PRELID2: variants seen among roughly 807,000 people sequenced by gnomAD.
The protein encoded by PRELID2 is PRELI domain containing 2.
In PRELID2, 25 loss-of-function variants were observed where a neutral mutation model predicts 28.4. The observed-to-expected ratio is 0.88, with a 90% confidence interval of 0.64 to 1.23. The LOEUF is 1.23. Among genes scored for constraint, PRELID2 ranks in the 50% most tolerant of loss-of-function variants. The pLI is 0.00. For synonymous variants in PRELID2, 76 were observed against 71.6 expected, an observed-to-expected ratio of 1.06 and a Z score of -0.31; for missense variants, 201 against 214.4, an observed-to-expected ratio of 0.94 and a Z score of 0.39.
At chr5:145,272,084 A>AT in the PRELID2 span, among the ~76,000 whole-genome samples, 45,564 of 150,160 alleles carry the variant, frequency 0.3, 7,117 homozygotes, top group African/African-American at 0.32. Flanking sequence ...ATGGCAACAT[A>AT]TTTTTTTTTT....
chr5:145,405,338 T>C, the PRELID2 span, among the ~76,000 whole-genome samples: 30 of 152,278 alleles, frequency 2.0e-4, no homozygotes, highest in Admixed American at 7.8e-4. Context: ...TCCCCACCTA[T>C]GTTAGTTAAT....
chr5:145,312,191 CA>C, the PRELID2 span, among the ~76,000 whole-genome samples: 400 of 141,844 alleles, frequency 2.8e-3, no homozygotes, highest in East Asian at 0.016. Flanking sequence ...ACTAAAAATA[CA>C]AAAAAAAAAA....
At chr5:145,647,240 C>T (rs957319372) in intron 1 of PRELID2, among the ~76,000 whole-genome samples, 4 of 152,152 alleles carry the variant, frequency 2.6e-5, no homozygotes, top group Non-Finnish European at 5.9e-5. Flanking sequence ...GGGAGGCAGT[C>T]TGGCCACAGC....
chr5:145,233,339 G>C, the PRELID2 span, among the ~76,000 whole-genome samples: 2 of 151,952 alleles, frequency 1.3e-5, no homozygotes, highest in Non-Finnish European at 2.9e-5. Context: ...TAGTATTCCA[G>C]GTAGGAATTC....
At chr5:145,374,733 C>G in the PRELID2 span, among the ~76,000 whole-genome samples, 1 of 152,030 alleles carries the variant, frequency 6.6e-6, no homozygotes, top group Non-Finnish European at 1.5e-5. Context: ...AGCAAGGTGG[C>G]CTTCAAACTC....
chr5:145,282,848 A>C, the PRELID2 span, among the ~76,000 whole-genome samples: 1 of 152,114 alleles, frequency 6.6e-6, no homozygotes, highest in African/African-American at 2.4e-5. Flanking sequence ...TGTCATTTGC[A>C]TATGTAGTGT....
chr5:145,497,639 G>A (rs528515098), intron 1 of PRELID2, among the ~76,000 whole-genome samples: 6 of 152,120 alleles, frequency 3.9e-5, no homozygotes, highest in Non-Finnish European at 7.3e-5. Flanking sequence ...AATGGCCACC[G>A]ATCCACATAG....
At chr5:145,233,079 T>C in the PRELID2 span, among the ~76,000 whole-genome samples, 1 of 152,046 alleles carries the variant, frequency 6.6e-6, no homozygotes, top group African/African-American at 2.4e-5. Context: ...GTATTTAATA[T>C]CTTGCAAGCA....
intron 1 of PRELID2, among the ~76,000 whole-genome samples, chr5:145,667,730 T>C (rs1409377636): frequency 6.6e-6 from 1 of 152,078 alleles, no homozygotes; most frequent in Admixed American, 6.6e-5. Flanking sequence ...TTCAACTCTC[T>C]AATCCTAGGT....
chr5:145,254,055 T>C, the PRELID2 span, among the ~76,000 whole-genome samples: 1 of 152,052 alleles, frequency 6.6e-6, no homozygotes, highest in Non-Finnish European at 1.5e-5. Context: ...TGTCACCTTA[T>C]TCCTCGGCTG....
chr5:145,340,538 T>C, the PRELID2 span, among the ~76,000 whole-genome samples: 1 of 151,902 alleles, frequency 6.6e-6, no homozygotes, highest in African/African-American at 2.4e-5. Flanking sequence ...GAGGCTGTGG[T>C]GGGCAGATCA....
At chr5:145,644,018 C>T (rs1418869931) in intron 1 of PRELID2, among the ~76,000 whole-genome samples, 1 of 152,148 alleles carries the variant, frequency 6.6e-6, no homozygotes, top group Non-Finnish European at 1.5e-5. Flanking sequence ...CAGGATGATG[C>T]TGGCCTCATA....
rs1237578298 is a variant in PRELID2 at position 145,760,430 on chromosome 5, G to A, written c.*106C>T. ...CTGCCAACACTGTATCCTCAAACCT[G>A]TATTCCAGAAACTGTGTCTGTGATG... On this transcript the variant is annotated 3_prime_UTR_variant, in exon 7 of 7. Coordinates refer to ENST00000683046, the MANE Select transcript of PRELID2 (RefSeq NM_205846.3). 1 of 151,746 alleles carries A rather than the reference G, an allele frequency of 6.6e-6. No individual in the cohort carries two copies. The highest frequency in any genetic ancestry group is 1.9e-4 in the East Asian group (1 of 5,182). The allele number at this position is 151,746 out of a possible 1,614,324, so 9.4% of individuals were successfully genotyped here.
At position 145,819,914 on chromosome 5, in the gene PRELID2, C is replaced by T. The variant is rs1048208539; in HGVS notation, c.207+31G>A. The stretch of plus-strand genomic sequence containing the variant: ...GACTATTAAAAATTACTCAATGTTA[C>T]AACTGTGATTACATTTTAAAATGAA... On this transcript the variant is annotated intron_variant, in intron 3 of 6. Transcript: ENST00000683046. 3.0e-6 allele frequency: 4 copies of T among 1,322,950 alleles called. No individual in the cohort carries two copies. The African/African-American group carries it at 5.9e-5, about 19-fold the overall frequency. 82.0% of individuals were successfully genotyped at this position (1,322,950 alleles called of 1,614,324 possible).
chr5:145,539,773 G>GTATT (rs1005708647), intron 1 of PRELID2, among the ~76,000 whole-genome samples: 148 of 151,676 alleles, frequency 9.8e-4, no homozygotes, highest in African/African-American at 3.4e-3. Context: ...GGTGTTTTAA[G>GTATT]TATTTATTAA....
chr5:145,326,033 G>A, the PRELID2 span, among the ~76,000 whole-genome samples: 1 of 152,112 alleles, frequency 6.6e-6, no homozygotes, highest in African/African-American at 2.4e-5. Context: ...TTTTGAGGCA[G>A]GGTCTTGCTC....
chr5:145,688,103 T>C lies in PRELID2; in HGVS notation n.70+76828A>G, dbSNP rs547901495. Among the ~76,000 whole-genome samples, 5 of 152,326 alleles carry C rather than the reference T, an allele frequency of 3.3e-5. No homozygotes were observed. In the East Asian group the frequency reaches 9.7e-4, roughly 29 times the overall value. ...AGGTTTCATTTTCTTCTGCCACTTG[T>C]CTTTGACACGATGCCTTCAGCTGCT... On this transcript the variant is annotated intron_variant and non_coding_transcript_variant, in intron 1 of 2. Transcript: ENST00000510259.
chr5:145,724,987 C>A (rs1482771124), intron 1 of PRELID2, among the ~76,000 whole-genome samples: 1 of 151,842 alleles, frequency 6.6e-6, no homozygotes, highest in Non-Finnish European at 1.5e-5. Context: ...AAATGATCCT[C>A]CCACATCAGC....
rs1489092013 is a variant in PRELID2, at chr5:145,657,049, ATTAGT to A, written n.70+107877_70+107881del. On this transcript the variant is annotated intron_variant and non_coding_transcript_variant, in intron 1 of 2. Coordinates refer to the PRELID2 transcript ENST00000510259. ...GGAACATGCTCATTACTTCATAAAT[ATTAGT>A]TTAATTATAATTTGTAGAAATAAGA... 3.3e-5 allele frequency among the ~76,000 whole-genome samples: 5 copies of A among 152,158 alleles called. No homozygotes were observed. The East Asian group carries it at 5.8e-4, about 18-fold the overall frequency.
Sources: allele counts gnomAD v4.1 joint callset (sites outside exome capture counted in the v4.1 genomes callset), GRCh38; gene constraint gnomAD v4.1.1; transcripts MANE v1.5; gene names NCBI Gene and HGNC (gene_info 2026-07-23, HGNC 2026-07-21).